The following LRRTM4 variants were observed in gnomAD, a reference collection of about 807,000 sequenced individuals.
The protein encoded by LRRTM4 is leucine-rich repeat transmembrane neuronal protein 4.
In LRRTM4, 25 loss-of-function variants were observed where a neutral mutation model predicts 47.6. The ratio of observed to expected loss-of-function variants is 0.53; its 90% CI spans 0.38 to 0.73. The LOEUF is 0.73. Ranked by LOEUF, LRRTM4 falls within the 30% of genes least tolerant of loss-of-function variation. The probability of loss-of-function intolerance (pLI) is 0.00; values close to 1 mark genes in which losing one functional copy is unlikely to be tolerated. For missense variants in LRRTM4, 638 were observed against 713.4 expected, an observed-to-expected ratio of 0.89 and a Z score of 1.20; for synonymous variants, 311 against 269.5, an observed-to-expected ratio of 1.15 and a Z score of -1.51.
chr2:77,313,386 G>A (rs1677521777), intron 3 of LRRTM4, among the ~76,000 whole-genome samples: 1 of 151,112 alleles, frequency 6.6e-6, no homozygotes, highest in Admixed American at 6.6e-5. Flanking sequence ...GGGACCTGGT[G>A]CTGTGATGTG....
chr2:77,405,356 A>G (rs59944132), intron 3 of LRRTM4, among the ~76,000 whole-genome samples: 2,563 of 152,188 alleles, frequency 0.017, 61 homozygotes, highest in African/African-American at 0.052. Flanking sequence ...GGTAGAGGCA[A>G]GACATATCCA....
intron 3 of LRRTM4, among the ~76,000 whole-genome samples, chr2:77,312,223 C>CA (rs915864397): frequency 5.3e-5 from 8 of 152,058 alleles, no homozygotes; most frequent in African/African-American, 1.9e-4. Context: ...TGTGTAATTC[C>CA]ACAGTATTAA....
chr2:77,165,826 T>C (rs1346351298), intron 3 of LRRTM4, among the ~76,000 whole-genome samples: 1 of 152,130 alleles, frequency 6.6e-6, no homozygotes, highest in African/African-American at 2.4e-5. Flanking sequence ...TAATAAGAGC[T>C]ATTTATGACA....
chr2:76,893,697 T>A (rs1039406538), intron 3 of LRRTM4, among the ~76,000 whole-genome samples: 1 of 151,788 alleles, frequency 6.6e-6, no homozygotes, highest in South Asian at 2.1e-4. Flanking sequence ...CCTGGCAAGT[T>A]TGACCCAATA....
At chr2:77,047,001 A>G (rs923676936) in intron 3 of LRRTM4, among the ~76,000 whole-genome samples, 1 of 152,042 alleles carries the variant, frequency 6.6e-6, no homozygotes, top group South Asian at 2.1e-4. Context: ...AATGTCCAAT[A>G]ATAAAGATAC....
intron 3 of LRRTM4, among the ~76,000 whole-genome samples, chr2:76,982,501 C>T (rs1275892423): frequency 1.3e-5 from 2 of 151,926 alleles, no homozygotes; most frequent in South Asian, 2.1e-4. Flanking sequence ...TAATTCTTTG[C>T]AATTTTTTTG....
intron 3 of LRRTM4, among the ~76,000 whole-genome samples, chr2:76,860,304 C>T (rs1672275740): frequency 6.6e-6 from 1 of 152,154 alleles, no homozygotes; most frequent in South Asian, 2.1e-4. Flanking sequence ...CAACAAAAAG[C>T]AGTCAGAACA....
intron 3 of LRRTM4, among the ~76,000 whole-genome samples, chr2:76,835,806 A>G (rs995641185): frequency 6.6e-6 from 1 of 152,162 alleles, no homozygotes; most frequent in Non-Finnish European, 1.5e-5. Flanking sequence ...AAACTAACAT[A>G]CAAGAAAAAT....
chr2:76,833,291 C>G (rs535612221), intron 3 of LRRTM4, among the ~76,000 whole-genome samples: 10 of 152,044 alleles, frequency 6.6e-5, no homozygotes, highest in African/African-American at 2.4e-4. Flanking sequence ...CATCTATATC[C>G]GTGCTGCAAA....
intron 3 of LRRTM4, among the ~76,000 whole-genome samples, chr2:77,166,387 T>G (rs1439671617): frequency 6.6e-6 from 1 of 152,144 alleles, no homozygotes; most frequent in East Asian, 1.9e-4. Context: ...CTGTCCAAGA[T>G]AATTATAGAT....
At chr2:77,205,143 G>A (rs1266375764) in intron 3 of LRRTM4, among the ~76,000 whole-genome samples, 2 of 152,210 alleles carry the variant, frequency 1.3e-5, no homozygotes, top group African/African-American at 4.8e-5. Flanking sequence ...ACTTAATGAT[G>A]TATTTATATG....
At chr2:76,803,035 C>A (rs1441851522) in intron 3 of LRRTM4, among the ~76,000 whole-genome samples, 1 of 151,988 alleles carries the variant, frequency 6.6e-6, no homozygotes, top group Non-Finnish European at 1.5e-5. Flanking sequence ...TGAGATTGGT[C>A]TGGGTAATGA....
intron 3 of LRRTM4, among the ~76,000 whole-genome samples, chr2:76,925,655 A>T (rs1450157459): frequency 6.6e-6 from 1 of 152,086 alleles, no homozygotes; most frequent in Non-Finnish European, 1.5e-5. Context: ...ACTCTGTGTA[A>T]AAGTGTGCTA....
chr2:76,885,461 GCTT>G (rs1275975174), intron 3 of LRRTM4, among the ~76,000 whole-genome samples: 4 of 145,920 alleles, frequency 2.7e-5, no homozygotes, highest in African/African-American at 7.6e-5. Flanking sequence ...ACAAAAACAT[GCTT>G]TTTTTTTTTT....
At chr2:77,130,702 G>A (rs1372254901) in intron 3 of LRRTM4, among the ~76,000 whole-genome samples, 2 of 150,800 alleles carry the variant, frequency 1.3e-5, no homozygotes, top group African/African-American at 4.9e-5. Flanking sequence ...TAGTAGAGAC[G>A]GGGTTTCACC....
At chr2:77,215,162 C>T (rs538053895) in intron 3 of LRRTM4, among the ~76,000 whole-genome samples, 1 of 152,092 alleles carries the variant, frequency 6.6e-6, no homozygotes, top group South Asian at 2.1e-4. Flanking sequence ...ATATGAGAAC[C>T]TTTACATTTT....
At chr2:77,026,089 T>C (rs980941945) in intron 3 of LRRTM4, among the ~76,000 whole-genome samples, 1 of 152,208 alleles carries the variant, frequency 6.6e-6, no homozygotes, top group African/African-American at 2.4e-5. Context: ...TTATTTTCTT[T>C]GCCTTGGGTA....
At chr2:76,816,826 T>G (rs893559850) in intron 3 of LRRTM4, among the ~76,000 whole-genome samples, 2 of 31,060 alleles carry the variant, frequency 6.4e-5, no homozygotes, top group South Asian at 1.8e-3. Flanking sequence ...AGAGTTTTTT[T>G]TTTTTTTTTT....
At chr2:77,159,279 ACAGT>A (rs1558610590) in intron 3 of LRRTM4, among the ~76,000 whole-genome samples, 3 of 152,204 alleles carry the variant, frequency 2.0e-5, no homozygotes, top group East Asian at 3.8e-4. Context: ...ACTGAGATAA[ACAGT>A]CAGTTGATGA....
Sources: gnomAD v4.1 joint callset for allele counts (sites outside exome capture counted in the v4.1 genomes callset) on GRCh38, gnomAD v4.1.1 for gene constraint, MANE v1.5 for transcripts, NCBI Gene and HGNC (gene_info 2026-07-23, HGNC 2026-07-21) for gene names.